Variants in DYNC2I2 observed in about 807,000 individuals in gnomAD.
The protein encoded by DYNC2I2 is cytoplasmic dynein 2 intermediate chain 2.
A neutral mutation model predicts 52.0 loss-of-function variants in DYNC2I2; 39 were observed. The observed-to-expected ratio is 0.75, with a 90% confidence interval of 0.58 to 0.98. The LOEUF is 0.98. Ranked by LOEUF, DYNC2I2 falls within the 50% of genes least tolerant of loss-of-function variation. The probability of loss-of-function intolerance (pLI) is 0.00; values close to 1 mark genes in which losing one functional copy is unlikely to be tolerated. For synonymous variants in DYNC2I2, 359 were observed against 321.1 expected, an observed-to-expected ratio of 1.12 and a Z score of -1.26; for missense variants, 743 against 728.4, an observed-to-expected ratio of 1.02 and a Z score of -0.23.
the DYNC2I2 span, among the ~76,000 whole-genome samples, chr9:128,674,845 CTG>C: frequency 6.6e-6 from 1 of 152,100 alleles, no homozygotes; most frequent in Admixed American, 6.6e-5. Flanking sequence ...TCCTAACGTG[CTG>C]TGATTCAGGC....
chr9:128,674,633 C>G, the DYNC2I2 span, among the ~76,000 whole-genome samples: 1 of 152,104 alleles, frequency 6.6e-6, no homozygotes, highest in East Asian at 1.9e-4. Flanking sequence ...ATCTCAGCTA[C>G]TTGGGAGGCT....
chr9:128,639,189 C>T (rs1242471921), intron 2 of DYNC2I2, among the ~76,000 whole-genome samples: 1 of 152,042 alleles, frequency 6.6e-6, no homozygotes, highest in Non-Finnish European at 1.5e-5. Context: ...CACCTGAGGT[C>T]AGGAATTCGA....
the DYNC2I2 span, among the ~76,000 whole-genome samples, chr9:128,679,721 A>C: frequency 1.3e-5 from 2 of 150,028 alleles, no homozygotes; most frequent in South Asian, 4.2e-4. Context: ...ATCTCAGCTC[A>C]CTGAGGCCTC....
chr9:128,636,018 C>A, intron 4 of DYNC2I2: 1 of 699,418 alleles, frequency 1.4e-6, no homozygotes, highest in Non-Finnish European at 2.5e-6. Flanking sequence ...CTACCACTGA[C>A]GGCTTCCCAA....
At chr9:128,647,252 C>T (rs569989729) in intron 1 of DYNC2I2, among the ~76,000 whole-genome samples, 1 of 152,330 alleles carries the variant, frequency 6.6e-6, no homozygotes, top group East Asian at 1.9e-4. Flanking sequence ...GGGGATGAGG[C>T]CCAAGTCCAT....
chr9:128,676,462 C>G, the DYNC2I2 span, among the ~76,000 whole-genome samples: 2 of 152,000 alleles, frequency 1.3e-5, no homozygotes, highest in Non-Finnish European at 1.5e-5. Flanking sequence ...TACACTCCAG[C>G]CTGGGTGACA....
Position 128,633,986 on chromosome 9 carries a change from CAA to C in DYNC2I2, c.1373-6_1373-5del, listed in dbSNP as rs754805906. 4.3e-6 allele frequency: 7 copies of C among 1,612,788 alleles called. No individual in the cohort carries two copies. The highest frequency in any genetic ancestry group is 5.9e-6 in the Non-Finnish European group (7 of 1,179,972). On this transcript the variant is annotated splice_polypyrimidine_tract_variant and splice_region_variant and intron_variant, in intron 8 of 8. Coordinates refer to ENST00000372715, the MANE Select transcript of DYNC2I2 (RefSeq NM_052844.4). ...AGATCAAACAGCTGCACGTCACCTGCAAAGAGAGACAGATACGTGGAGTAAGA... is the reference window on the plus strand; with the variant it reads ...AGATCAAACAGCTGCACGTCACCTGCAGAGAGACAGATACGTGGAGTAAGA...
chr9:128,664,546 G>A, the DYNC2I2 span, among the ~76,000 whole-genome samples: 11 of 150,668 alleles, frequency 7.3e-5, no homozygotes, highest in South Asian at 6.3e-4. Context: ...GTGAAGTGTC[G>A]CGATCCTGGC....
chr9:128,652,230 G>C (rs1302593725), intron 1 of DYNC2I2: 2 of 150,736 alleles, frequency 1.3e-5, no homozygotes, highest in East Asian at 2.0e-4. Context: ...TCAGGAGTTT[G>C]AGACCAGCCT....
At chr9:128,672,789 A>C in the DYNC2I2 span, among the ~76,000 whole-genome samples, 15 of 152,152 alleles carry the variant, frequency 9.9e-5, no homozygotes, top group Admixed American at 9.2e-4. Context: ...GCATTTTGGG[A>C]GGCCGAGGCA....
intron 2 of DYNC2I2, among the ~76,000 whole-genome samples, chr9:128,640,136 T>C (rs1474714302): frequency 6.6e-6 from 1 of 151,324 alleles, no homozygotes; most frequent in Non-Finnish European, 1.5e-5. Flanking sequence ...GCCTCCAGAG[T>C]AGCTAGGACT....
Position 128,636,917 on chromosome 9 carries a change from C to T in DYNC2I2, c.545+1G>A, listed in dbSNP as rs1168829227. On this transcript the variant is annotated splice_donor_variant, in intron 3 of 8. Coordinates refer to ENST00000372715, the MANE Select transcript of DYNC2I2 (RefSeq NM_052844.4). LOFTEE classifies it high-confidence loss of function. ...CCCTCACCTGCCCCGCTGCCACTCACCGGCCGTAGGCACAGGCCACCACAG... is the reference window on the plus strand; with the variant it reads ...CCCTCACCTGCCCCGCTGCCACTCATCGGCCGTAGGCACAGGCCACCACAG... The T allele has an allele frequency of 1.9e-6, 3 of 1,610,266 alleles. No individual in the cohort carries two copies. Among genetic ancestry groups the T allele is most frequent in the Non-Finnish European group, 1.7e-6 (2 of 1,178,812 alleles).
the DYNC2I2 span, among the ~76,000 whole-genome samples, chr9:128,669,940 CA>C: frequency 6.6e-6 from 1 of 152,116 alleles, no homozygotes; most frequent in African/African-American, 2.4e-5. Context: ...CGGCCTCCCA[CA>C]GTGCTGAAAT....
At position 128,636,273 on chromosome 9, in the gene DYNC2I2, C is replaced by G; in HGVS notation, c.703+8G>C. ...GAGGAGAGGAGGCGGACACAGCAGGCAGCTCACCTGCGACGTGGGAGGGCT... is the reference window on the plus strand; with the variant it reads ...GAGGAGAGGAGGCGGACACAGCAGGGAGCTCACCTGCGACGTGGGAGGGCT... On this transcript the variant is annotated splice_region_variant and intron_variant, in intron 4 of 8. Coordinates refer to ENST00000372715, the MANE Select transcript of DYNC2I2 (RefSeq NM_052844.4). 6.4e-7 allele frequency: 1 copy of G among 1,560,434 alleles called. No individual in the cohort carries two copies. The highest frequency in any genetic ancestry group is 1.2e-5 in the South Asian group (1 of 84,656).
intron 1 of DYNC2I2, among the ~76,000 whole-genome samples, chr9:128,643,189 A>G (rs1219435147): frequency 6.6e-6 from 1 of 152,044 alleles, no homozygotes; most frequent in African/African-American, 2.4e-5. Context: ...GTTTGAGACC[A>G]GCCTGGGCAA....
the DYNC2I2 span, among the ~76,000 whole-genome samples, chr9:128,684,227 A>G: frequency 6.6e-6 from 1 of 151,444 alleles, no homozygotes; most frequent in Non-Finnish European, 1.5e-5. Context: ...CTCAACACTG[A>G]CCCCTGAGCT....
intron 1 of DYNC2I2, among the ~76,000 whole-genome samples, chr9:128,647,128 AAAAC>A (rs1252915284): frequency 6.6e-6 from 1 of 152,230 alleles, no homozygotes; most frequent in Admixed American, 6.5e-5. Flanking sequence ...TCTGTCTCAA[AAAAC>A]AAACACACAA....
At chr9:128,682,502 C>A in the DYNC2I2 span, among the ~76,000 whole-genome samples, 1 of 151,852 alleles carries the variant, frequency 6.6e-6, no homozygotes, top group African/African-American at 2.4e-5. Context: ...CATGGCCAAA[C>A]CCTGTGCCTA....
At chr9:128,669,752 C>T in the DYNC2I2 span, among the ~76,000 whole-genome samples, 1 of 152,162 alleles carries the variant, frequency 6.6e-6, no homozygotes, top group South Asian at 2.1e-4. Context: ...AAACTTGGCT[C>T]ATTGCAACCT....
Sources: allele counts gnomAD v4.1 joint callset (sites outside exome capture counted in the v4.1 genomes callset), GRCh38; gene constraint gnomAD v4.1.1; transcripts MANE v1.5; gene names NCBI Gene and HGNC (gene_info 2026-07-23, HGNC 2026-07-21).